Variants in NPHP4 observed in about 807,000 individuals in gnomAD.
NPHP4 encodes the protein nephrocystin-4.
NPHP4 carries 151 observed loss-of-function variants against 155.8 expected under a neutral mutation model. The observed-to-expected ratio is 0.97, with a 90% CI of 0.85 to 1.11. The LOEUF is 1.11. Among genes scored for constraint, NPHP4 ranks in the 50% least tolerant of loss-of-function variants. The probability of loss-of-function intolerance (pLI) is 0.00; values close to 1 mark genes in which losing one functional copy is unlikely to be tolerated. For missense variants in NPHP4, 1,956 were observed against 1,925.7 expected (o/e 1.02, Z -0.29); for synonymous variants, 845 against 816.8 (o/e 1.03, Z -0.59).
At chr1:5,911,126 A>G (rs546073606) in intron 11 of NPHP4, among the ~76,000 whole-genome samples, 77 of 152,366 alleles carry the variant, frequency 5.1e-4, no homozygotes, top group African/African-American at 1.8e-3. Flanking sequence ...CTGCTTCCCC[A>G]GGAAAATATC....
At chr1:5,888,863 T>A (rs1643961450) in intron 17 of NPHP4, among the ~76,000 whole-genome samples, 7 of 152,146 alleles carry the variant, frequency 4.6e-5, no homozygotes, top group African/African-American at 1.7e-4. Context: ...GCCCTCACGG[T>A]GGCACCATCA....
At chr1:5,968,975 C>G in intron 4 of NPHP4, 112 bp downstream of exon 4, 1 of 659,702 alleles carries the variant, frequency 1.5e-6, no homozygotes, top group South Asian at 2.4e-5. Flanking sequence ...TGCAGTGAGC[C>G]GACATTACAC....
chr1:5,975,377 T>C (rs542659824), intron 3 of NPHP4, among the ~76,000 whole-genome samples: 13 of 152,272 alleles, frequency 8.5e-5, no homozygotes, highest in African/African-American at 2.4e-4. Flanking sequence ...ACACGGGGCA[T>C]AGCAGCTGCA....
At chr1:5,914,257 CAAAAAAAAAA>C (rs575438284) in intron 11 of NPHP4, among the ~76,000 whole-genome samples, 21 of 47,396 alleles carry the variant, frequency 4.4e-4, no homozygotes, top group East Asian at 2.7e-3. Flanking sequence ...CTTATCTATA[CAAAAAAAAAA>C]AAAAAAAAAA....
intron 16 of NPHP4, among the ~76,000 whole-genome samples, chr1:5,902,792 C>G (rs1489009884): frequency 6.6e-6 from 1 of 152,108 alleles, no homozygotes; most frequent in Non-Finnish European, 1.5e-5. Context: ...TTTTGTCATT[C>G]AGTTTTAAAT....
intron 11 of NPHP4, among the ~76,000 whole-genome samples, chr1:5,923,448 A>G (rs1465872653): frequency 6.6e-6 from 1 of 152,228 alleles, no homozygotes; most frequent in Non-Finnish European, 1.5e-5. Context: ...CAGGATGAGC[A>G]GCACAGAGAG....
chr1:5,893,872 G>A (rs1056139930), intron 16 of NPHP4, among the ~76,000 whole-genome samples: 4 of 152,226 alleles, frequency 2.6e-5, no homozygotes, highest in Non-Finnish European at 5.9e-5. Context: ...GCCCTCTGGT[G>A]GCCCTGTCTG....
In NPHP4 at chr1:5,948,478, C is replaced by A. The variant is rs146758330; in HGVS notation, c.811-227G>T. ...CCGGGCAGTTTTGGCATTTCCAACA[C>A]AGCATGATCCTCTCAGCAACGCACA... is the stretch of plus-strand genomic sequence containing the variant. On this transcript the variant is annotated intron_variant, in intron 7 of 29. Coordinates refer to ENST00000378156, the MANE Select transcript of NPHP4 (RefSeq NM_015102.5). Among the ~76,000 whole-genome samples, 12 of 152,368 alleles carry A rather than the reference C, an allele frequency of 7.9e-5. No individual in the cohort carries two copies. The East Asian group carries it at 2.3e-3, about 29-fold the overall frequency.
intron 9 of NPHP4, among the ~76,000 whole-genome samples, chr1:5,945,021 C>A (rs763233976): frequency 6.6e-6 from 1 of 152,168 alleles, no homozygotes; most frequent in South Asian, 2.1e-4. Flanking sequence ...GCACCCCAGA[C>A]GCCCATGAAG....
chr1:5,946,389 T>G (rs1647099341), intron 9 of NPHP4, among the ~76,000 whole-genome samples: 1 of 152,220 alleles, frequency 6.6e-6, no homozygotes, highest in African/African-American at 2.4e-5. Context: ...CATCTCTCAT[T>G]TGTGCAAACT....
chr1:5,874,798 G>A, intron 21 of NPHP4, 76 bp downstream of exon 21: 1 of 1,548,820 alleles, frequency 6.5e-7, no homozygotes, highest in Non-Finnish European at 8.9e-7. Flanking sequence ...CAGAATTCGA[G>A]CCAGCTCAGC....
chr1:5,869,152 G>A lies in NPHP4; in HGVS notation c.3316-1256C>T, dbSNP rs1641708482. Among the ~76,000 whole-genome samples, 3 of 127,522 alleles carry A rather than the reference G, an allele frequency of 2.4e-5. No homozygotes were observed. In the East Asian group the frequency reaches 7.5e-4, roughly 32 times the overall value. 83.7% of individuals were successfully genotyped at this position (127,522 alleles called of 152,430 possible). On this transcript the variant is annotated intron_variant, in intron 23 of 29. Transcript: ENST00000378156. ...AATGCACACATATCCGCCCACACAT[G>A]CACACACACGCACCCACATGCACAC...
chr1:5,948,866 C>G (rs536197158), intron 7 of NPHP4, among the ~76,000 whole-genome samples: 1 of 152,340 alleles, frequency 6.6e-6, no homozygotes, highest in East Asian at 1.9e-4. Context: ...TTCATCTTAA[C>G]AAAAATGTAC....
intron 3 of NPHP4, among the ~76,000 whole-genome samples, chr1:5,970,354 T>G (rs1230731088): frequency 1.3e-5 from 2 of 151,718 alleles, no homozygotes; most frequent in Admixed American, 1.3e-4. Context: ...AATACAAAAA[T>G]TAGCCAGGCA....
At position 5,951,262 on chromosome 1, in the gene NPHP4, T is replaced by C. The variant is rs557671939; in HGVS notation, c.810+1438A>G. On this transcript the variant is annotated intron_variant, in intron 7 of 29. Coordinates refer to ENST00000378156, the MANE Select transcript of NPHP4 (RefSeq NM_015102.5). The stretch of plus-strand genomic sequence containing the variant: ...TTCCTCGTGTCGCGCAGTCACACAA[T>C]TGCATTCTGTGCGCTTCTGCGGGAC... Among the ~76,000 whole-genome samples the C allele has an allele frequency of 2.3e-3, 348 of 152,304 alleles. 2 individuals are homozygous for C. The highest frequency in any genetic ancestry group is 7.8e-3 in the African/African-American group (325 of 41,568).
At chr1:5,980,862 G>A (rs1249995614) in intron 2 of NPHP4, among the ~76,000 whole-genome samples, 2 of 152,032 alleles carry the variant, frequency 1.3e-5, no homozygotes, top group South Asian at 4.1e-4. Context: ...CCGGGGCCTG[G>A]CCCCCAGCTC....
chr1:5,962,488 G>T (rs1650516319), intron 5 of NPHP4, among the ~76,000 whole-genome samples: 1 of 152,222 alleles, frequency 6.6e-6, no homozygotes, highest in East Asian at 1.9e-4. Flanking sequence ...AGGACACCCT[G>T]GCCCGAGGCC....
chr1:5,933,977 C>T (rs1001474619), intron 9 of NPHP4, among the ~76,000 whole-genome samples: 1 of 152,188 alleles, frequency 6.6e-6, no homozygotes, highest in Admixed American at 6.5e-5. Context: ...AAAACCAATC[C>T]CTTGGGTTAC....
chr1:5,930,140 T>C (rs1421289564), intron 10 of NPHP4, among the ~76,000 whole-genome samples: 1 of 152,214 alleles, frequency 6.6e-6, no homozygotes, highest in Non-Finnish European at 1.5e-5. Context: ...AGGTCTGTAC[T>C]GATATTCCTT....
Sources: gnomAD v4.1 joint callset for allele counts (sites outside exome capture counted in the v4.1 genomes callset) on GRCh38, gnomAD v4.1.1 for gene constraint, MANE v1.5 for transcripts, NCBI Gene and HGNC (gene_info 2026-07-23, HGNC 2026-07-21) for gene names.